Variants in ARHGAP42 observed in about 807,000 individuals in gnomAD.
ARHGAP42 encodes rho GTPase-activating protein 42.
Under a neutral mutation model 125.0 loss-of-function variants are expected in ARHGAP42, and 63 were observed. The observed-to-expected ratio is 0.50, with a 90% confidence interval of 0.41 to 0.62. The LOEUF (loss-of-function observed/expected upper bound fraction) is 0.62. Among genes scored for constraint, ARHGAP42 ranks in the 20% least tolerant of loss-of-function variants. The pLI, the probability that ARHGAP42 is intolerant of heterozygous loss-of-function variation, is 0.00. For synonymous variants in ARHGAP42, 339 were observed against 351.0 expected (o/e 0.97, Z 0.38); for missense variants, 766 against 1,024.2 (o/e 0.75, Z 3.44).
Position 100,973,256 on chromosome 11 carries a change from G to A in ARHGAP42, c.1632G>A (p.Gln544=). ...TTGGCCCAACTCTAATGAGAGCACA[G>A]GAAGAAACTGTGGCTGCTATGATGA... ...VIFGPTLMRA[Q]EETVAAMMNI... is the part of the protein sequence containing the mutation. The change falls in exon 18 of 24, where the codon CAG becomes CAA. Residue 544 remains glutamine (Q), a synonymous_variant. Transcript: ENST00000298815. 1.3e-6 allele frequency: 2 copies of A among 1,551,120 alleles called. No individual in the cohort carries two copies. The highest frequency in any genetic ancestry group is 1.7e-6 in the Non-Finnish European group (2 of 1,146,662).
chr11:100,728,375 C>A lies in ARHGAP42; in HGVS notation c.154+40543C>A, dbSNP rs888141850. Among the ~76,000 whole-genome samples, 6 of 152,154 alleles carry A rather than the reference C, an allele frequency of 3.9e-5. No individual in the cohort carries two copies. In the East Asian group the frequency reaches 1.2e-3, roughly 30 times the overall value. On this transcript the variant is annotated intron_variant, in intron 1 of 23. Transcript: ENST00000298815. ...AAAATTCCAGTTCTTTCCAGTTTAG[C>A]CAGGGGCTTACTGACTAGAAAGTCT...
rs553920661 is a variant in ARHGAP42, at chr11:100,821,509, G to T, written c.312+26343G>T. Among the ~76,000 whole-genome samples the T allele has an allele frequency of 2.4e-4, 36 of 151,358 alleles. 1 individual carries two copies. The South Asian group carries it at 4.8e-3, about 20-fold the overall frequency. The stretch of plus-strand genomic sequence containing the variant: ...AAAATGACGAAAGAATCATCCCATT[G>T]TTCTATCAGTAGGAGTAAAATGTGG... On this transcript the variant is annotated intron_variant, in intron 3 of 23. Transcript: ENST00000298815.
chr11:100,901,126 T>G (rs1866533970), intron 4 of ARHGAP42, among the ~76,000 whole-genome samples: 1 of 152,186 alleles, frequency 6.6e-6, no homozygotes, highest in African/African-American at 2.4e-5. Flanking sequence ...TATTTGTTAG[T>G]TTTCCTTCTA....
chr11:100,872,966 A>C (rs778968367), intron 4 of ARHGAP42, among the ~76,000 whole-genome samples: 13 of 152,230 alleles, frequency 8.5e-5, no homozygotes, highest in Admixed American at 7.2e-4. Flanking sequence ...GAAAGGCATC[A>C]CTGATGTACC....
intron 2 of ARHGAP42, among the ~76,000 whole-genome samples, chr11:100,783,727 G>C (rs1187434182): frequency 1.3e-5 from 2 of 152,162 alleles, no homozygotes; most frequent in Non-Finnish European, 2.9e-5. Context: ...CCAATGCTGT[G>C]CAAATTTCCC....
At chr11:100,776,702 C>G (rs1407503824) in intron 2 of ARHGAP42, among the ~76,000 whole-genome samples, 1 of 152,116 alleles carries the variant, frequency 6.6e-6, no homozygotes, top group Non-Finnish European at 1.5e-5. Flanking sequence ...ATCGGCCGGG[C>G]ACAGTGGCTC....
rs147367966 is a variant in ARHGAP42, at chr11:100,918,692, G to T, written c.487-2802G>T. ...GTCTTTCTATATCTTGTACTGTAAAGAAATTAAACTGTCATATTCCTTAAT... is the reference window on the plus strand; with the variant it reads ...GTCTTTCTATATCTTGTACTGTAAATAAATTAAACTGTCATATTCCTTAAT... On this transcript the variant is annotated intron_variant, in intron 5 of 23. Coordinates refer to ENST00000298815, the MANE Select transcript of ARHGAP42 (RefSeq NM_152432.4). Among the ~76,000 whole-genome samples, 5 of 152,270 alleles carry T rather than the reference G, an allele frequency of 3.3e-5. No individual in the cohort carries two copies. The East Asian group carries it at 9.7e-4, about 29-fold the overall frequency.
At chr11:100,767,335 G>A (rs1472717784) in intron 1 of ARHGAP42, among the ~76,000 whole-genome samples, 1 of 152,154 alleles carries the variant, frequency 6.6e-6, no homozygotes, top group East Asian at 1.9e-4. Flanking sequence ...CTTACCCACA[G>A]TCATGACACT....
chr11:100,730,516 T>C (rs1254696391), intron 1 of ARHGAP42, among the ~76,000 whole-genome samples: 2 of 152,216 alleles, frequency 1.3e-5, no homozygotes, highest in Non-Finnish European at 2.9e-5. Context: ...TAAGAAACAC[T>C]GAATATGCAC....
chr11:100,745,470 G>GTA (rs1279760594), intron 1 of ARHGAP42, among the ~76,000 whole-genome samples: 13 of 152,276 alleles, frequency 8.5e-5, no homozygotes, highest in African/African-American at 3.1e-4. Flanking sequence ...ACAAGAATAA[G>GTA]TACACCTATT....
chr11:100,983,893 C>A (rs978046884), intron 22 of ARHGAP42, among the ~76,000 whole-genome samples: 4 of 152,168 alleles, frequency 2.6e-5, no homozygotes, highest in Non-Finnish European at 4.4e-5. Flanking sequence ...AATCCCAGCA[C>A]TTTGGGAGGC....
intron 17 of ARHGAP42, among the ~76,000 whole-genome samples, chr11:100,966,655 A>T (rs1224652394): frequency 6.6e-6 from 1 of 152,200 alleles, no homozygotes; most frequent in Non-Finnish European, 1.5e-5. Context: ...GATAATCTTC[A>T]ACCAAATATC....
chr11:100,736,363 A>G (rs1862068152), intron 1 of ARHGAP42, among the ~76,000 whole-genome samples: 1 of 152,170 alleles, frequency 6.6e-6, no homozygotes, highest in Admixed American at 6.5e-5. Context: ...GGCTCTGGTG[A>G]GACAGAGAAC....
intron 8 of ARHGAP42, among the ~76,000 whole-genome samples, chr11:100,939,133 C>T (rs1171719055): frequency 1.3e-5 from 2 of 152,150 alleles, no homozygotes; most frequent in African/African-American, 4.8e-5. Flanking sequence ...CATTAAATCA[C>T]ATTCTGCTAG....
chr11:100,824,674 C>T (rs946026483), intron 3 of ARHGAP42, among the ~76,000 whole-genome samples: 20 of 152,140 alleles, frequency 1.3e-4, no homozygotes, highest in Admixed American at 1.3e-3. Context: ...AACTATATAT[C>T]ATCATAGATG....
intron 3 of ARHGAP42, among the ~76,000 whole-genome samples, chr11:100,858,737 T>G (rs1020608024): frequency 2.6e-5 from 4 of 152,154 alleles, no homozygotes; most frequent in African/African-American, 7.2e-5. Context: ...TGTAATAGAT[T>G]ATGTTCAGTT....
intron 4 of ARHGAP42, among the ~76,000 whole-genome samples, chr11:100,893,158 G>T (rs202044190): frequency 6.8e-6 from 1 of 147,090 alleles, no homozygotes; most frequent in Non-Finnish European, 1.5e-5. Flanking sequence ...AACATTTAGG[G>T]GTGTGTGTGT....
intron 1 of ARHGAP42, among the ~76,000 whole-genome samples, chr11:100,699,529 T>A (rs1245509770): frequency 4.2e-4 from 43 of 101,434 alleles, no homozygotes; most frequent in Middle Eastern, 4.9e-3. Flanking sequence ...TTTTTTTTTT[T>A]TTTTTTTTTT....
At position 100,837,666 on chromosome 11, in the gene ARHGAP42, C is replaced by CTTTTTTTTTTTTTTTTTT. The variant is rs373059302; in HGVS notation, c.313-21874_313-21857dup. 2.2e-3 allele frequency among the ~76,000 whole-genome samples: 135 copies of CTTTTTTTTTTTTTTTTTT among 60,940 alleles called. 17 individuals are homozygous for CTTTTTTTTTTTTTTTTTT. Among genetic ancestry groups the CTTTTTTTTTTTTTTTTTT allele is most frequent in the African/African-American group, 3.3e-3 (47 of 14,152 alleles). 40.0% of individuals were successfully genotyped at this position (60,940 alleles called of 152,430 possible). On this transcript the variant is annotated intron_variant, in intron 3 of 23. Coordinates refer to ENST00000298815, the MANE Select transcript of ARHGAP42 (RefSeq NM_152432.4). ...CAGTTCCCAGAATCTAGGTGTCATC[C>CTTTTTTTTTTTTTTTTTT]TTTTTTTTTTTTTTTTTTTTTTTTT...
Sources: gnomAD v4.1 joint callset for allele counts (sites outside exome capture counted in the v4.1 genomes callset) on GRCh38, gnomAD v4.1.1 for gene constraint, MANE v1.5 for transcripts, NCBI Gene and HGNC (gene_info 2026-07-23, HGNC 2026-07-21) for gene names.